The following KREMEN1 variants were observed in gnomAD, a reference collection of about 807,000 sequenced individuals.
KREMEN1 encodes the protein kremen protein 1.
Under a neutral mutation model 46.5 loss-of-function variants are expected in KREMEN1, and 30 were observed. That is an observed-to-expected ratio of 0.65 (90% CI 0.48 to 0.88). The LOEUF is 0.88. Among genes scored for constraint, KREMEN1 ranks in the 40% least tolerant of loss-of-function variants. The probability of loss-of-function intolerance (pLI) is 0.00; values close to 1 mark genes in which losing one functional copy is unlikely to be tolerated. For missense variants in KREMEN1, 533 were observed against 596.9 expected, an observed-to-expected ratio of 0.89 and a Z score of 1.11; for synonymous variants, 214 against 230.6, an observed-to-expected ratio of 0.93 and a Z score of 0.65.
intron 1 of KREMEN1, among the ~76,000 whole-genome samples, chr22:29,090,989 T>TTTAC (rs2037795299): frequency 6.6e-6 from 1 of 151,996 alleles, no homozygotes; most frequent in Non-Finnish European, 1.5e-5. Context: ...TATTTATTTA[T>TTTAC]TGAGACAGAG....
At chr22:29,156,343 A>G (rs981810679) in intron 9 of KREMEN1, among the ~76,000 whole-genome samples, 1 of 152,232 alleles carries the variant, frequency 6.6e-6, no homozygotes, top group Admixed American at 6.5e-5. Flanking sequence ...GGCCACTTGC[A>G]GTACAGATGT....
intron 4 of KREMEN1, 124 bp downstream of exon 4, chr22:29,121,605 TTCCACTTAC>T (rs2038358177): frequency 2.8e-6 from 3 of 1,073,562 alleles, no homozygotes; most frequent in Non-Finnish European, 4.1e-6. Flanking sequence ...TATTGTATGA[TTCCACTTAC>T]ATGAATTGTC....
At chr22:29,141,424 A>T (rs2038761102) in intron 8 of KREMEN1, among the ~76,000 whole-genome samples, 1 of 152,230 alleles carries the variant, frequency 6.6e-6, no homozygotes, top group Non-Finnish European at 1.5e-5. Context: ...AGCGTCCAGC[A>T]TCTGATAGCA....
In KREMEN1 at chr22:29,161,632, C is replaced by T. The variant is rs1569343639; in HGVS notation, c.1417-5412C>T. 3.3e-5 allele frequency among the ~76,000 whole-genome samples: 5 copies of T among 151,574 alleles called. No homozygotes were observed. The South Asian group carries it at 1.0e-3, about 31-fold the overall frequency. On this transcript the variant is annotated intron_variant, in intron 9 of 9. Coordinates refer to the KREMEN1 transcript ENST00000327813. ...CAGATGTACAAGGAAGAGCTGCTAC[C>T]AATTCTACTGAAACTATTCCAAAAA...
intron 3 of KREMEN1, 96 bp downstream of exon 3, chr22:29,099,049 G>A: frequency 1.1e-6 from 1 of 887,530 alleles, no homozygotes; most frequent in South Asian, 1.4e-5. Flanking sequence ...AGTTAGGCTG[G>A]TGGATTTCAT....
chr22:29,165,415 A>G (rs1014284554), intron 9 of KREMEN1, among the ~76,000 whole-genome samples: 39 of 151,826 alleles, frequency 2.6e-4, no homozygotes, highest in African/African-American at 9.0e-4. Flanking sequence ...AAAAAAAAAA[A>G]GTAGTTCAGA....
rs980158382 is a variant in KREMEN1 at position 29,143,614 on chromosome 22, C to T, written c.*1502C>T. 7 of 619,794 alleles carry T rather than the reference C, an allele frequency of 1.1e-5. No individual in the cohort carries two copies. The highest frequency in any genetic ancestry group is 8.0e-4 in the Middle Eastern group (1 of 1,250). 38.4% of individuals were successfully genotyped at this position (619,794 alleles called of 1,614,324 possible). On this transcript the variant is annotated 3_prime_UTR_variant, in exon 9 of 9. Coordinates refer to ENST00000400335, the MANE Select transcript of KREMEN1 (RefSeq NM_001039570.3). ...AAAATTAGCTGGGTGTGGTGGTGGG[C>T]GCCTGTAGTCCCAGCTGCTCGGGAG... is the stretch of plus-strand genomic sequence containing the variant.
rs569432984 is a variant in KREMEN1, at chr22:29,088,540, G to A, written c.98-5718G>A. Among the ~76,000 whole-genome samples the A allele has an allele frequency of 1.2e-4, 18 of 152,198 alleles. No individual in the cohort carries two copies. The South Asian group carries it at 3.7e-3, about 32-fold the overall frequency. ...AGATGGGGTTTCGCCATGTTGCCCA[G>A]GCTGGTCTCGAACTCTTGATATCAA... On this transcript the variant is annotated intron_variant, in intron 1 of 8. Coordinates refer to ENST00000400335, the MANE Select transcript of KREMEN1 (RefSeq NM_001039570.3).
chr22:29,107,340 C>T (rs2038078137), intron 3 of KREMEN1, among the ~76,000 whole-genome samples: 1 of 150,782 alleles, frequency 6.6e-6, no homozygotes, highest in African/African-American at 2.4e-5. Context: ...TCTCCTGCCT[C>T]AGCCTCCCAA....
chr22:29,089,414 A>G (rs1452108148), intron 1 of KREMEN1, among the ~76,000 whole-genome samples: 1 of 151,982 alleles, frequency 6.6e-6, no homozygotes, highest in East Asian at 1.9e-4. Context: ...CACTACCTTC[A>G]AAATATATCT....
chr22:29,120,084 TGGAGGAGGGAGAGGTGATGAA>T lies in KREMEN1; in HGVS notation c.353-1269_353-1249del, dbSNP rs1569325634. Among the ~76,000 whole-genome samples the T allele has an allele frequency of 5.2e-3, 89 of 17,148 alleles. 4 individuals carry two copies. The highest frequency in any genetic ancestry group is 0.012 in the African/African-American group (36 of 3,126). 11.2% of individuals were successfully genotyped at this position (17,148 alleles called of 152,430 possible). A position where few individuals can be genotyped will look rare whatever the true frequency, so the allele number is the denominator to read the frequency against. ...GAGGAGGGAGAGGTGATGAAGGAAA[TGGAGGAGGGAGAGGTGATGAA>T]GGAAATGGAGGAGGGAGAGGTGATG... On this transcript the variant is annotated intron_variant, in intron 3 of 8. Transcript: ENST00000400335.
intron 1 of KREMEN1, among the ~76,000 whole-genome samples, chr22:29,088,678 A>G (rs553536328): frequency 5.9e-5 from 9 of 152,198 alleles, no homozygotes; most frequent in Non-Finnish European, 1.3e-4. Flanking sequence ...CTAAGCTTAT[A>G]TAAAGTTTGA....
intron 1 of KREMEN1, among the ~76,000 whole-genome samples, chr22:29,075,228 T>C (rs1291032144): frequency 3.9e-5 from 6 of 152,276 alleles, no homozygotes; most frequent in East Asian, 3.9e-4. Context: ...TAGCTCCACT[T>C]TGCTATCTGT....
chr22:29,099,188 A>G (rs2037934860), intron 3 of KREMEN1: 3 of 425,268 alleles, frequency 7.1e-6, no homozygotes, highest in Non-Finnish European at 1.3e-5. Context: ...GGTAAGCCCC[A>G]TGAGAATTCC....
chr22:29,138,507 A>T, intron 6 of KREMEN1, 117 bp from the exon 7 acceptor site: 1 of 1,069,226 alleles, frequency 9.4e-7, no homozygotes, highest in Non-Finnish European at 1.4e-6. Flanking sequence ...TATGGAAGGA[A>T]TTGCACCCAG....
chr22:29,165,986 G>T lies in KREMEN1; in HGVS notation c.1417-1058G>T, dbSNP rs533201158. 3.9e-5 allele frequency among the ~76,000 whole-genome samples: 6 copies of T among 152,308 alleles called. No individual in the cohort carries two copies. The East Asian group carries it at 1.2e-3, about 29-fold the overall frequency. ...AGGGCTGCCATTCAGAATGGGTCAGGTTCCAGGACAGTGACTGGGTCAAAT... is the reference window on the plus strand; with the variant it reads ...AGGGCTGCCATTCAGAATGGGTCAGTTTCCAGGACAGTGACTGGGTCAAAT... On this transcript the variant is annotated intron_variant, in intron 9 of 9. Coordinates refer to the KREMEN1 transcript ENST00000327813.
intron 3 of KREMEN1, among the ~76,000 whole-genome samples, chr22:29,104,816 C>T (rs535415457): frequency 6.6e-6 from 1 of 152,308 alleles, no homozygotes. Context: ...ATCACTTGAA[C>T]CTGGGAAGCA....
At chr22:29,085,572 G>A (rs1051108195) in intron 1 of KREMEN1, among the ~76,000 whole-genome samples, 6 of 152,270 alleles carry the variant, frequency 3.9e-5, no homozygotes, top group Non-Finnish European at 5.9e-5. Flanking sequence ...TCTAAACAAG[G>A]TGTATTTAGG....
exon 10 of KREMEN1, chr22:29,167,107 C>G: frequency 6.4e-7 from 1 of 1,551,318 alleles, no homozygotes; most frequent in Admixed American, 2.0e-5. Context: ...AAGTATCTGA[C>G]TGTAGACACA....
Sources: gnomAD v4.1 joint callset for allele counts (sites outside exome capture counted in the v4.1 genomes callset) on GRCh38, gnomAD v4.1.1 for gene constraint, MANE v1.5 for transcripts, NCBI Gene and HGNC (gene_info 2026-07-23, HGNC 2026-07-21) for gene names.